Variants in MEPE observed in about 807,000 individuals in gnomAD.
MEPE encodes matrix, extracellular phosphoglycoprotein with ASARM motif (bone).
A neutral mutation model predicts 7.3 loss-of-function variants in MEPE; 7 were observed. That is an observed-to-expected ratio of 0.95 (90% CI 0.54 to 1.79). MEPE has a LOEUF of 1.79. Among genes scored for constraint, MEPE ranks in the 40% most tolerant of loss-of-function variants. MEPE has a pLI of 0.00. For synonymous variants in MEPE, 214 were observed against 213.1 expected, an observed-to-expected ratio of 1.00 and a Z score of -0.04; for missense variants, 623 against 628.2, an observed-to-expected ratio of 0.99 and a Z score of 0.09.
At chr4:87,829,338 G>A (rs1248668454), upstream of MEPE, among the ~76,000 whole-genome samples, 2 of 151,870 alleles carry the variant, frequency 1.3e-5, no homozygotes, top group Non-Finnish European at 2.9e-5. Flanking sequence ...TCACCCCTTG[G>A]TAGGACTAGT....
chr4:87,838,192 A>G (rs6857656), intron 2 of MEPE, among the ~76,000 whole-genome samples: 145,867 of 152,278 alleles, frequency 0.96, 69,990 homozygotes, highest in African/African-American at 0.99. Flanking sequence ...ACAGTTACTC[A>G]ACTTATATAA....
chr4:87,844,840 C>T, intron 3 of MEPE, 137 bp from the exon 4 acceptor site: 1 of 644,348 alleles, frequency 1.6e-6, no homozygotes, highest in South Asian at 3.4e-5. Context: ...AGAATGACCT[C>T]TACCAGTAAA....
chr4:87,834,863 T>C (rs1349001923), intron 2 of MEPE, 95 bp downstream of exon 2: 1 of 991,498 alleles, frequency 1.0e-6, no homozygotes, highest in Admixed American at 2.4e-5. Flanking sequence ...TAGTAGCATC[T>C]ACCTAATTCA....
intron 3 of MEPE, among the ~76,000 whole-genome samples, chr4:87,840,834 G>T (rs1722984931): frequency 6.6e-6 from 1 of 152,080 alleles, no homozygotes; most frequent in African/African-American, 2.4e-5. Context: ...GAAGTGAATG[G>T]GTGAGGCCGT....
intron 1 of MEPE, among the ~76,000 whole-genome samples, chr4:87,826,454 T>A (rs924431998): frequency 6.6e-6 from 1 of 151,892 alleles, no homozygotes; most frequent in East Asian, 1.9e-4. Flanking sequence ...TTGGCCAGGA[T>A]GGTCTCGATC....
rs538718633 is a variant in MEPE at position 87,840,102 on chromosome 4, T to C, written c.108+1417T>C. 4.6e-5 allele frequency: 70 copies of C among 1,522,054 alleles called. No homozygotes were observed. The East Asian group carries it at 1.0e-3, about 22-fold the overall frequency. 94.3% of individuals were successfully genotyped at this position (1,522,054 alleles called of 1,614,324 possible). On this transcript the variant is annotated intron_variant, in intron 3 of 3. Transcript: ENST00000361056. ...CTGCTTCTGAGTAACATTTGGTGTTTTATAAGAAAGTTTTCTTGACATATT... is the reference window on the plus strand; with the variant it reads ...CTGCTTCTGAGTAACATTTGGTGTTCTATAAGAAAGTTTTCTTGACATATT...
chr4:87,835,808 T>TGC (rs1476175426), intron 2 of MEPE, among the ~76,000 whole-genome samples: 1 of 152,162 alleles, frequency 6.6e-6, no homozygotes, highest in Non-Finnish European at 1.5e-5. Context: ...AAATGAGTCT[T>TGC]GCTGACCTAG....
intron 1 of MEPE, among the ~76,000 whole-genome samples, chr4:87,824,315 C>A (rs1375983201): frequency 6.6e-6 from 1 of 152,186 alleles, no homozygotes. Flanking sequence ...CATACCTGAT[C>A]ATTCTTGTTA....
At chr4:87,833,900 A>T (rs1722679236) in intron 1 of MEPE, among the ~76,000 whole-genome samples, 1 of 152,232 alleles carries the variant, frequency 6.6e-6, no homozygotes, top group Non-Finnish European at 1.5e-5. Flanking sequence ...AAGTTATTTA[A>T]GGTGGCAGAG....
At chr4:87,821,775 T>C (rs1328410303) in intron 1 of MEPE, among the ~76,000 whole-genome samples, 3 of 152,054 alleles carry the variant, frequency 2.0e-5, no homozygotes, top group South Asian at 2.1e-4. Context: ...GCAAGGGTGC[T>C]CCATACAAAT....
chr4:87,840,007 C>T (rs1429445353), intron 3 of MEPE: 3 of 1,535,510 alleles, frequency 2.0e-6, no homozygotes, highest in African/African-American at 1.4e-5. Context: ...CCACATCTCG[C>T]TCTGCTTCAG....
intron 1 of MEPE, 38 bp from the exon 2 acceptor site, chr4:87,834,665 G>A (rs1281636330): frequency 1.3e-6 from 2 of 1,510,900 alleles, no homozygotes; most frequent in Non-Finnish European, 1.8e-6. Context: ...TTTATAACTG[G>A]CAATGCTTTG....
upstream of MEPE, among the ~76,000 whole-genome samples, chr4:87,832,755 G>C (rs1722631119): frequency 6.6e-6 from 1 of 152,154 alleles, no homozygotes; most frequent in South Asian, 2.1e-4. Context: ...TGTCCAAACT[G>C]AGGTATTTAT....
upstream of MEPE, among the ~76,000 whole-genome samples, chr4:87,831,383 C>T (rs1046190439): frequency 2.6e-5 from 4 of 152,288 alleles, no homozygotes; most frequent in Admixed American, 6.5e-5. Flanking sequence ...CAACTTTACT[C>T]TTCCAGTTGC....
chr4:87,839,125 A>G (rs997165819), intron 3 of MEPE, among the ~76,000 whole-genome samples: 7 of 152,190 alleles, frequency 4.6e-5, no homozygotes, highest in Non-Finnish European at 7.3e-5. Flanking sequence ...TCAGCTTTCC[A>G]TATGCATCCA....
chr4:87,824,967 C>T (rs368029865), intron 1 of MEPE, among the ~76,000 whole-genome samples: 20 of 152,132 alleles, frequency 1.3e-4, no homozygotes, highest in African/African-American at 4.1e-4. Flanking sequence ...CCTGCCTCAG[C>T]GGCCCCAAGA....
chr4:87,838,541 G>A (rs1432213502), intron 2 of MEPE, 91 bp from the exon 3 acceptor site: 3 of 1,195,338 alleles, frequency 2.5e-6, no homozygotes, highest in Non-Finnish European at 2.5e-6. Context: ...ATACAACTCA[G>A]TGAGAGAAAA....
rs150608883 is a variant in MEPE at position 87,838,642 on chromosome 4, C to T, written c.65C>T (p.Pro22Leu). 6 of 1,613,118 alleles carry T rather than the reference C, an allele frequency of 3.7e-6. No individual in the cohort carries two copies. The African/African-American group carries it at 6.7e-5, about 18-fold the overall frequency. ...SVTWAAPTFQ[P>L]QTEKTKQSCV... ...CTTGTTTCCTTTCAGACATTTCAACCACAGACTGAGAAAACTAAGCAAAGC... is the reference window on the plus strand; with the variant it reads ...CTTGTTTCCTTTCAGACATTTCAACTACAGACTGAGAAAACTAAGCAAAGC... Residue 22 changes from proline (P) to leucine (L), a missense_variant, in exon 3 of 4, where the codon CCA (proline) becomes CTA (leucine). Pro to Leu is a moderately conservative substitution (Grantham distance 98). Transcript: ENST00000361056.
At chr4:87,837,728 TC>T (rs1305441445) in intron 2 of MEPE, 1 of 152,218 alleles carries the variant, frequency 6.6e-6, no homozygotes, top group African/African-American at 2.4e-5. Flanking sequence ...GCCCATTGGT[TC>T]CCAGTGCCAC....
Sources: allele counts gnomAD v4.1 joint callset (sites outside exome capture counted in the v4.1 genomes callset), GRCh38; gene constraint gnomAD v4.1.1; transcripts MANE v1.5; gene names NCBI Gene and HGNC (gene_info 2026-07-23, HGNC 2026-07-21).